The following ZNF398 variants were observed in gnomAD, a reference collection of about 807,000 sequenced individuals.
ZNF398 encodes zinc finger protein 398, also known as zinc finger DNA binding protein ZER6.
Under a neutral mutation model 41.9 loss-of-function variants are expected in ZNF398, and 18 were observed. The observed-to-expected ratio is 0.43, with a 90% confidence interval of 0.30 to 0.64. ZNF398 has a LOEUF of 0.64. ZNF398 is among the 30% of genes least tolerant of loss of function. The pLI is 0.14. For synonymous variants in ZNF398, 260 were observed against 308.8 expected (o/e 0.84, Z 1.66); for missense variants, 669 against 822.8 (o/e 0.81, Z 2.29).
intron 2 of ZNF398, among the ~76,000 whole-genome samples, chr7:149,155,891 T>G (rs947884308): frequency 7.9e-5 from 12 of 151,544 alleles, no homozygotes; most frequent in African/African-American, 2.9e-4. Context: ...CATGCCCAGC[T>G]AATTTTTTGT....
intron 2 of ZNF398, among the ~76,000 whole-genome samples, chr7:149,158,833 CA>C (rs11285758): frequency 0.58 from 64,331 of 111,134 alleles, 16,371 homozygotes; most frequent in East Asian, 0.81. Flanking sequence ...AACACCGTTT[CA>C]AAAAAAAAAA....
chr7:149,155,724 T>TATTTA (rs1266017416), intron 2 of ZNF398, among the ~76,000 whole-genome samples: 2 of 83,638 alleles, frequency 2.4e-5, no homozygotes, highest in Non-Finnish European at 4.3e-5. Context: ...TTTTTTTTTT[T>TATTTA]TTTTTAATTT....
intron 2 of ZNF398, among the ~76,000 whole-genome samples, chr7:149,132,539 G>A (rs1826619356): frequency 6.6e-6 from 1 of 152,014 alleles, no homozygotes; most frequent in Non-Finnish European, 1.5e-5. Flanking sequence ...CACCCGTATG[G>A]GACCTCTAGA....
intron 2 of ZNF398, among the ~76,000 whole-genome samples, chr7:149,157,836 CA>C (rs67225033): frequency 0.021 from 1,269 of 59,710 alleles, 11 homozygotes; most frequent in East Asian, 0.14. Flanking sequence ...GACTCTGTCT[CA>C]AAAAAAAAAA....
intron 2 of ZNF398, among the ~76,000 whole-genome samples, chr7:149,133,678 T>TATATATATATACAC (rs1483673161): frequency 1.5e-5 from 1 of 67,018 alleles, no homozygotes; most frequent in African/African-American, 6.1e-5. Flanking sequence ...TATATATATA[T>TATATATATATACAC]ACATATATAT....
intron 2 of ZNF398, among the ~76,000 whole-genome samples, chr7:149,132,566 C>T (rs1018786021): frequency 7.2e-5 from 11 of 152,064 alleles, no homozygotes; most frequent in South Asian, 6.2e-4. Flanking sequence ...TGGAGTGCAC[C>T]GGATTTTATA....
At chr7:149,163,378 T>TC (rs1284292369) in intron 2 of ZNF398, among the ~76,000 whole-genome samples, 1 of 150,374 alleles carries the variant, frequency 6.7e-6, no homozygotes, top group East Asian at 2.0e-4. Flanking sequence ...CTAATTTTTT[T>TC]TTTTTTTTTT....
At chr7:149,176,440 G>GC in intron 4 of ZNF398, 28 bp from the exon 5 acceptor site, 1 of 1,488,800 alleles carries the variant, frequency 6.7e-7, no homozygotes, top group Non-Finnish European at 9.4e-7. Context: ...GTTCATGAAG[G>GC]CCATTTTTTT....
intron 4 of ZNF398, among the ~76,000 whole-genome samples, chr7:149,167,646 T>TC (rs1210671753): frequency 1.3e-5 from 2 of 148,900 alleles, no homozygotes; most frequent in Non-Finnish European, 3.0e-5. Flanking sequence ...TTTTTTTTTT[T>TC]TTTTTTGAGA....
chr7:149,176,184 T>A (rs970496769), intron 4 of ZNF398, among the ~76,000 whole-genome samples: 11 of 151,156 alleles, frequency 7.3e-5, no homozygotes, highest in South Asian at 4.2e-4. Context: ...CAAAAAAATT[T>A]AAAAAAAACT....
chr7:149,152,129 G>A (rs1278689178), intron 1 of ZNF398, among the ~76,000 whole-genome samples: 1 of 151,916 alleles, frequency 6.6e-6, no homozygotes, highest in Non-Finnish European at 1.5e-5. Flanking sequence ...CAGGAGAATC[G>A]CTTGAACCCA....
intron 2 of ZNF398, among the ~76,000 whole-genome samples, chr7:149,130,417 G>A (rs1826573213): frequency 6.6e-6 from 1 of 152,190 alleles, no homozygotes; most frequent in South Asian, 2.1e-4. Context: ...TTGGAATTCT[G>A]AATAGAGCTG....
chr7:149,147,832 C>T lies in ZNF398; in HGVS notation c.24+66C>T. The T allele has an allele frequency of 1.5e-6, 2 of 1,316,790 alleles. No individual in the cohort carries two copies. 81.6% of individuals were successfully genotyped at this position (1,316,790 alleles called of 1,614,324 possible). A position where few individuals can be genotyped will look rare whatever the true frequency, so the allele number is the denominator to read the frequency against. ...CCAGACCCCGAGGGAGGAAGGCGGGCGGGCAGGGAGCTGCCAGGCATAGGC... is the reference window on the plus strand; with the variant it reads ...CCAGACCCCGAGGGAGGAAGGCGGGTGGGCAGGGAGCTGCCAGGCATAGGC... On this transcript the variant is annotated intron_variant, in intron 1 of 5. Coordinates refer to ENST00000475153, the MANE Select transcript of ZNF398 (RefSeq NM_170686.3). This position sits in a 1 kb window ranked among gnomAD's most constrained non-coding sequence, Gnocchi z 5.6.
intron 5 of ZNF398, among the ~76,000 whole-genome samples, chr7:149,178,017 C>T (rs965643449): frequency 6.1e-4 from 92 of 150,982 alleles, no homozygotes; most frequent in African/African-American, 2.1e-3. Flanking sequence ...CACAGCTGGA[C>T]GCGGTGGCTC....
chr7:149,160,304 G>A lies in ZNF398; in HGVS notation c.421-5854G>A, dbSNP rs898424904. ...AAAGTAGCCAGATGTGGTGGTGGGG[G>A]CCTGTAGTCCCAGCTACTTGGGAGG... On this transcript the variant is annotated intron_variant, in intron 2 of 5. Coordinates refer to ENST00000475153, the MANE Select transcript of ZNF398 (RefSeq NM_170686.3). Among the ~76,000 whole-genome samples the A allele has an allele frequency of 3.3e-4, 50 of 152,056 alleles. 1 individual carries two copies. The highest frequency in any genetic ancestry group is 2.8e-4 in the Non-Finnish European group (19 of 68,016).
intron 2 of ZNF398, among the ~76,000 whole-genome samples, chr7:149,136,124 A>AATTT (rs58711080): frequency 6.6e-5 from 10 of 151,096 alleles, no homozygotes; most frequent in African/African-American, 1.5e-4. Context: ...TTATGTTTTA[A>AATTT]ATTTATTTAT....
chr7:149,127,389 T>TA (rs33912807), intron 1 of ZNF398, among the ~76,000 whole-genome samples: 145 of 146,608 alleles, frequency 9.9e-4, no homozygotes, highest in African/African-American at 3.2e-3. Flanking sequence ...ATTAAAGGGT[T>TA]AAAAAAAAAA....
At chr7:149,167,841 G>T (rs932418638) in intron 4 of ZNF398, among the ~76,000 whole-genome samples, 2 of 151,810 alleles carry the variant, frequency 1.3e-5, no homozygotes, top group Non-Finnish European at 2.9e-5. Context: ...TTGATCTCCT[G>T]ACCTCGTGAT....
intron 2 of ZNF398, among the ~76,000 whole-genome samples, chr7:149,162,621 C>T (rs1563162246): frequency 6.6e-6 from 1 of 152,166 alleles, no homozygotes; most frequent in Non-Finnish European, 1.5e-5. Flanking sequence ...TGAGCCAGTG[C>T]ACCTGGCCTG....
Sources: allele counts gnomAD v4.1 joint callset (sites outside exome capture counted in the v4.1 genomes callset), GRCh38; gene constraint gnomAD v4.1.1; non-coding constraint Gnocchi (gnomAD v3.1); transcripts MANE v1.5; gene names NCBI Gene and HGNC (gene_info 2026-07-23, HGNC 2026-07-21).